Variants in FCRL3 observed in about 807,000 individuals in gnomAD.
FCRL3 encodes Fc receptor like 3, also known as Fc receptor-like protein 3.
Under a neutral mutation model 75.0 loss-of-function variants are expected in FCRL3, and 89 were observed. The ratio of observed to expected loss-of-function variants is 1.19; its 90% confidence interval spans 1.00 to 1.42. The LOEUF is 1.42. Ranked by LOEUF, FCRL3 falls within the 40% of genes most tolerant of loss-of-function variation. FCRL3 has a pLI of 0.00. For synonymous variants in FCRL3, 376 were observed against 348.5 expected (o/e 1.08, Z -0.88); for missense variants, 946 against 880.0 (o/e 1.07, Z -0.95).
rs1453602807 is a variant in FCRL3 at position 157,690,484 on chromosome 1, A to G, written c.1461T>C (p.Ala487=). 2 of 1,614,244 alleles carry G rather than the reference A, an allele frequency of 1.2e-6. No individual in the cohort carries two copies. The highest frequency in any genetic ancestry group is 2.2e-5 in the South Asian group (2 of 91,090). Residue 487 remains alanine (A), a synonymous_variant, in exon 9 of 15, where the codon GCT becomes GCC. Transcript: ENST00000368184. ...VLTLRAPGAQ[A]VVGDLLELHC... ...GAAGCTCCAGCAGGTCCCCCACCAC[A>G]GCCTGGGCCCCGGGAGCCCTGAGGG...
Position 157,678,363 on chromosome 1 carries a change from C to T in FCRL3, c.*347G>A, listed in dbSNP as rs529021172. ...ATACAGAGAGCACATTAACAGCTTT[C>T]GATCACACTTGGATCAAATGGTCAT... On this transcript the variant is annotated 3_prime_UTR_variant, in exon 15 of 15. Transcript: ENST00000368184. 16 of 1,087,178 alleles carry T rather than the reference C, an allele frequency of 1.5e-5. No homozygotes were observed. The highest frequency in any genetic ancestry group is 9.8e-5 in the African/African-American group (6 of 61,208). The allele number at this position is 1,087,178 out of a possible 1,614,324, so 67.3% of individuals were successfully genotyped here. A position where few individuals can be genotyped will look rare whatever the true frequency, so the allele number is the denominator to read the frequency against.
chr1:157,677,789 T>C lies in FCRL3; in HGVS notation c.*921A>G, dbSNP rs1453745946. The C allele has an allele frequency of 3.9e-6, 2 of 508,024 alleles. No individual in the cohort carries two copies. The highest frequency in any genetic ancestry group is 3.0e-4 in the East Asian group (2 of 6,686). The allele number at this position is 508,024 out of a possible 1,614,324, so 31.5% of individuals were successfully genotyped here. On this transcript the variant is annotated 3_prime_UTR_variant, in exon 15 of 15. Coordinates refer to ENST00000368184, the MANE Select transcript of FCRL3 (RefSeq NM_052939.4). Reference sequence around the variant, plus strand: ...TATAGTTAAAACTAATATAAAAACATATTTAAGGAAAACATGTAGATACAT... The same window carrying C: ...TATAGTTAAAACTAATATAAAAACACATTTAAGGAAAACATGTAGATACAT...
rs1654491711 is a variant in FCRL3, at chr1:157,676,887, A to G, written c.*1823T>C. ...CAGCAGCAGGGTTAGAAAGGAGGAG[A>G]GCCTCCATATACAGCCTGGTGGTTG... On this transcript the variant is annotated 3_prime_UTR_variant, in exon 15 of 15. Transcript: ENST00000368184. The G allele has an allele frequency of 2.7e-6, 4 of 1,504,390 alleles. No individual in the cohort carries two copies. The highest frequency in any genetic ancestry group is 1.4e-5 in the African/African-American group (1 of 71,708). 93.2% of individuals were successfully genotyped at this position (1,504,390 alleles called of 1,614,324 possible).
In FCRL3 at chr1:157,695,505, G is replaced by C. The variant is rs529765292; in HGVS notation, c.1235C>G (p.Pro412Arg). 9 of 1,614,144 alleles carry C rather than the reference G, an allele frequency of 5.6e-6. No homozygotes were observed. Among genetic ancestry groups the C allele is most frequent in the African/African-American group, 4.0e-5 (3 of 75,034 alleles). Reference sequence around the variant, plus strand: ...CTCATGATAAAATCGGTACAGGATCGGGGGAGAGCCTCTCAGGGACTCACA... The same window carrying C: ...CTCATGATAAAATCGGTACAGGATCCGGGGAGAGCCTCTCAGGGACTCACA... ...LHCESLRGSP[P>R]ILYRFYHEDV... is the part of the protein sequence containing the mutation. The change falls in exon 8 of 15, where the codon CCG (proline) becomes CGG (arginine). Residue 412 changes from proline (P) to arginine (R), a missense_variant. Pro to Arg is a moderately radical substitution (Grantham distance 103, BLOSUM62 -2). Coordinates refer to ENST00000368184, the MANE Select transcript of FCRL3 (RefSeq NM_052939.4).
intron 6 of FCRL3, chr1:157,696,827 G>T: frequency 4.0e-6 from 1 of 249,068 alleles, no homozygotes; most frequent in Admixed American, 4.9e-5. Context: ...AGCACCACAG[G>T]GGCCTCTTAA....
rs577550461 is a variant in FCRL3, at chr1:157,698,248, C to A, written c.298+136G>T. 9 of 1,089,476 alleles carry A rather than the reference C, an allele frequency of 8.3e-6. No individual in the cohort carries two copies. In the East Asian group the frequency reaches 1.9e-4, roughly 23 times the overall value. 67.5% of individuals were successfully genotyped at this position (1,089,476 alleles called of 1,614,324 possible). ...CCAGCATCATGCTGCTGCCCTATCT[C>A]TTTATTTTCCCCACTGGGGTCAGTG... On this transcript the variant is annotated intron_variant, in intron 4 of 14. Transcript: ENST00000368184.
At chr1:157,697,964 C>T in intron 4 of FCRL3, 45 bp from the exon 5 acceptor site, 1 of 1,587,042 alleles carries the variant, frequency 6.3e-7, no homozygotes, top group Non-Finnish European at 8.6e-7. Context: ...CCTGCTGTTT[C>T]TGCCTTCACT....
intron 8 of FCRL3, among the ~76,000 whole-genome samples, chr1:157,690,938 T>G (rs1343943105): frequency 6.6e-6 from 1 of 152,198 alleles, no homozygotes; most frequent in Admixed American, 6.5e-5. Context: ...GACCCATTAC[T>G]CTCTACCTAA....
chr1:157,684,699 CA>C (rs1478785077), intron 10 of FCRL3, among the ~76,000 whole-genome samples: 3 of 152,138 alleles, frequency 2.0e-5, no homozygotes, highest in Non-Finnish European at 1.5e-5. Flanking sequence ...TTATTATAAC[CA>C]CTTCATAGAT....
intron 8 of FCRL3, 63 bp from the exon 9 acceptor site, chr1:157,690,596 A>G: frequency 6.3e-7 from 1 of 1,578,530 alleles, no homozygotes; most frequent in Non-Finnish European, 8.6e-7. Context: ...AGAACTTAAT[A>G]AAGGAATATG....
Position 157,677,676 on chromosome 1 carries a change from A to C in FCRL3, c.*1034T>G. 1 of 849,254 alleles carries C rather than the reference A, an allele frequency of 1.2e-6. No individual in the cohort carries two copies. The highest frequency in any genetic ancestry group is 1.4e-6 in the Non-Finnish European group (1 of 706,162). The allele number at this position is 849,254 out of a possible 1,614,324, so 52.6% of individuals were successfully genotyped here. ...GCAATAAAAACAAATGAACTATAGC[A>C]ACACGCAACAATATGGATGAATCTT... On this transcript the variant is annotated 3_prime_UTR_variant, in exon 15 of 15. Transcript: ENST00000368184.
At chr1:157,690,844 A>G (rs1655483182) in intron 8 of FCRL3, among the ~76,000 whole-genome samples, 1 of 152,236 alleles carries the variant, frequency 6.6e-6, no homozygotes, top group South Asian at 2.1e-4. Context: ...ATTGATAAAA[A>G]TATAGCTAAA....
At chr1:157,695,695 C>G in intron 7 of FCRL3, 88 bp from the exon 8 acceptor site, 1 of 1,399,480 alleles carries the variant, frequency 7.1e-7, no homozygotes. Context: ...GGATATGTCC[C>G]TTGTCCCTTG....
chr1:157,677,506 C>G lies in FCRL3; in HGVS notation c.*1204G>C, dbSNP rs1654534236. 5.1e-6 allele frequency: 5 copies of G among 985,234 alleles called. No homozygotes were observed. The South Asian group carries it at 2.4e-4, about 46-fold the overall frequency. 61.0% of individuals were successfully genotyped at this position (985,234 alleles called of 1,614,324 possible). ...GAGATATTTGGAAACATCAGGATTT[C>G]AGAATGGAGGTGAAGTCACTGAAAA... On this transcript the variant is annotated 3_prime_UTR_variant, in exon 15 of 15. Coordinates refer to ENST00000368184, the MANE Select transcript of FCRL3 (RefSeq NM_052939.4).
At chr1:157,688,454 CA>C in intron 10 of FCRL3, among the ~76,000 whole-genome samples, 1 of 151,920 alleles carries the variant, frequency 6.6e-6, no homozygotes, top group South Asian at 2.1e-4. Context: ...GATAGAATTG[CA>C]GAAGAAATGG....
chr1:157,680,372 T>C (rs1049406382), intron 13 of FCRL3, among the ~76,000 whole-genome samples: 2 of 152,206 alleles, frequency 1.3e-5, no homozygotes. Context: ...AAGAGACCAG[T>C]TAAAAGAATG....
rs748838504 is a variant in FCRL3, at chr1:157,689,854, A to T, written c.1754T>A (p.Leu585His). The T allele has an allele frequency of 3.7e-6, 6 of 1,614,098 alleles. 2 individuals are homozygous for T. In the South Asian group the frequency reaches 6.6e-5, roughly 18 times the overall value. The stretch of plus-strand genomic sequence containing the variant: ...CAGAGCAGCAGCAGCAGCAAGGACG[A>T]GGATGCTGAGCACCAGCCCCGTGAT... Reference protein sequence around the residue: ...AGITGLVLSILVLAAAAALLH... With the variant: ...AGITGLVLSIHVLAAAAALLH... The change falls in exon 10 of 15, where the codon CTC (leucine) becomes CAC (histidine). Residue 585 changes from leucine (L) to histidine (H), a missense_variant. Physicochemically the swap from Leu to His is moderately conservative, Grantham distance 99. Transcript: ENST00000368184.
chr1:157,696,983 A>T, intron 6 of FCRL3, 157 bp downstream of exon 6: 2 of 595,698 alleles, frequency 3.4e-6, no homozygotes. Context: ...AAAATGTTCT[A>T]GGGCTGTTAG....
chr1:157,695,529 C>A lies in FCRL3; in HGVS notation c.1211G>T (p.Cys404Phe). The A allele has an allele frequency of 6.2e-7, 1 of 1,614,142 alleles. No individual in the cohort carries two copies. Residue 404 changes from cysteine (C) to phenylalanine (F), a missense_variant, in exon 8 of 15, where the codon TGT (cysteine) becomes TTT (phenylalanine). Transcript: ENST00000368184. ...CGGGGGAGAGCCTCTCAGGGACTCA[C>A]AGTGAAGCTCCAGCAGGTCCCCCAC... ...TVVGDLLELH[C>F]ESLRGSPPIL...
Sources: allele counts gnomAD v4.1 joint callset (sites outside exome capture counted in the v4.1 genomes callset), GRCh38; gene constraint gnomAD v4.1.1; transcripts MANE v1.5; gene names NCBI Gene and HGNC (gene_info 2026-07-23, HGNC 2026-07-21).